Variants in TRIM33 observed in about 807,000 individuals in gnomAD.
TRIM33 encodes the protein E3 ubiquitin-protein ligase TRIM33.
A neutral mutation model predicts 125.4 loss-of-function variants in TRIM33; 20 were observed. The ratio of observed to expected loss-of-function variants is 0.16; its 90% CI spans 0.11 to 0.23. TRIM33 has a LOEUF of 0.23. TRIM33 is among the 10% of genes least tolerant of loss of function. The pLI is 1.00. For synonymous variants in TRIM33, 564 were observed against 513.9 expected, an observed-to-expected ratio of 1.10 and a Z score of -1.32; for missense variants, 920 against 1,411.4, an observed-to-expected ratio of 0.65 and a Z score of 5.58.
At chr1:114,486,326 G>A (rs1651682361) in intron 1 of TRIM33, among the ~76,000 whole-genome samples, 1 of 150,504 alleles carries the variant, frequency 6.6e-6, no homozygotes, top group South Asian at 2.1e-4. Flanking sequence ...GAAAAGAAAT[G>A]AAAGTTATAG....
intron 17 of TRIM33, 135 bp from the exon 18 acceptor site, chr1:114,399,744 G>A (rs956686584): frequency 3.0e-5 from 20 of 670,104 alleles, no homozygotes; most frequent in South Asian, 6.3e-5. Flanking sequence ...GAGTATAGAC[G>A]TATGTACTTT....
intron 1 of TRIM33, among the ~76,000 whole-genome samples, chr1:114,509,904 T>G (rs142556527): frequency 9.2e-5 from 14 of 152,340 alleles, no homozygotes; most frequent in African/African-American, 3.4e-4. Context: ...CAGCTTTCCC[T>G]AACTCTCAAT....
At position 114,510,752 on chromosome 1, in the gene TRIM33, G is replaced by A. The variant is rs1167317131; in HGVS notation, c.325C>T (p.Pro109Ser). 1.3e-6 allele frequency: 2 copies of A among 1,522,686 alleles called. No individual in the cohort carries two copies. Among genetic ancestry groups the A allele is most frequent in the African/African-American group, 1.4e-5 (1 of 71,864 alleles). The allele number at this position is 1,522,686 out of a possible 1,614,324, so 94.3% of individuals were successfully genotyped here. A position where few individuals can be genotyped will look rare whatever the true frequency, so the allele number is the denominator to read the frequency against. The change falls in exon 1 of 20, where the codon CCC (proline) becomes TCC (serine). Residue 109 changes from proline to serine, a missense_variant. Pro to Ser is a moderately conservative substitution (Grantham distance 74). Coordinates refer to ENST00000358465, the MANE Select transcript of TRIM33 (RefSeq NM_015906.4). ...PAPASAPAPG[P>S]SAGPPPGPPA... ...GGTCCAGGAGGCGGCCCTGCCGAGG[G>A]ACCCGGAGCGGGAGCCGAGGCTGGA...
chr1:114,450,221 C>T (rs1251646466), intron 4 of TRIM33, among the ~76,000 whole-genome samples: 4 of 152,164 alleles, frequency 2.6e-5, no homozygotes, highest in Admixed American at 6.5e-5. Context: ...ACCGCACCAT[C>T]GCACTCCAGC....
At chr1:114,442,260 G>A (rs1648697746) in intron 4 of TRIM33, among the ~76,000 whole-genome samples, 1 of 152,150 alleles carries the variant, frequency 6.6e-6, no homozygotes, top group Non-Finnish European at 1.5e-5. Flanking sequence ...AAAAAATTAT[G>A]CTTGGATAGG....
At chr1:114,465,595 G>C (rs888213159) in intron 1 of TRIM33, among the ~76,000 whole-genome samples, 7 of 151,998 alleles carry the variant, frequency 4.6e-5, no homozygotes, top group African/African-American at 1.7e-4. Context: ...GAGCCCAGGA[G>C]TTTGAGGCCA....
chr1:114,412,183 A>AAT (rs1652635047), intron 11 of TRIM33, among the ~76,000 whole-genome samples: 1 of 152,210 alleles, frequency 6.6e-6, no homozygotes, highest in Non-Finnish European at 1.5e-5. Context: ...GGCATTTTCA[A>AAT]ATATATAAGC....
At position 114,501,080 on chromosome 1, in the gene TRIM33, CTTGGGAGGCTG is replaced by C. The variant is rs942538823; in HGVS notation, c.526+9460_526+9470del. On this transcript the variant is annotated intron_variant, in intron 1 of 19. Coordinates refer to ENST00000358465, the MANE Select transcript of TRIM33 (RefSeq NM_015906.4). Reference sequence around the variant, plus strand: ...TGGCGGGCGCCTGTAGTCCCAGCTACTTGGGAGGCTGAGGCAGGAGAATGGCGTGAACCCGG... The same window carrying C: ...TGGCGGGCGCCTGTAGTCCCAGCTACAGGCAGGAGAATGGCGTGAACCCGG... 7.2e-5 allele frequency among the ~76,000 whole-genome samples: 8 copies of C among 110,860 alleles called. 3 individuals are homozygous for C. The South Asian group carries it at 2.4e-3, about 33-fold the overall frequency. 72.7% of individuals were successfully genotyped at this position (110,860 alleles called of 152,430 possible). A position where few individuals can be genotyped will look rare whatever the true frequency, so the allele number is the denominator to read the frequency against.
chr1:114,397,526 A>G lies in TRIM33; in HGVS notation c.*122T>C. ...CTGTGTAAAAGCTATCAGCTTCTTC[A>G]AGGAGGTGCCCACTGTAGGCAGGAT... is the stretch of plus-strand genomic sequence containing the variant. On this transcript the variant is annotated 3_prime_UTR_variant, in exon 20 of 20. Transcript: ENST00000358465. The G allele has an allele frequency of 1.5e-6, 1 of 678,410 alleles. No individual in the cohort carries two copies. 42.0% of individuals were successfully genotyped at this position (678,410 alleles called of 1,614,324 possible).
At chr1:114,509,762 A>G (rs1653226976) in intron 1 of TRIM33, among the ~76,000 whole-genome samples, 1 of 152,116 alleles carries the variant, frequency 6.6e-6, no homozygotes, top group Non-Finnish European at 1.5e-5. Flanking sequence ...ACTCACCTCC[A>G]CTGCTGCAAG....
intron 4 of TRIM33, among the ~76,000 whole-genome samples, chr1:114,445,391 C>A (rs367594496): frequency 6.6e-6 from 1 of 152,130 alleles, no homozygotes; most frequent in African/African-American, 2.4e-5. Flanking sequence ...GCAAGCACTG[C>A]CATGCCTGGC....
At chr1:114,503,062 T>A (rs1358684878) in intron 1 of TRIM33, among the ~76,000 whole-genome samples, 1 of 152,246 alleles carries the variant, frequency 6.6e-6, no homozygotes. Context: ...CCTTTTCAGA[T>A]CATTGTGTGG....
chr1:114,497,998 C>A (rs1480386671), intron 1 of TRIM33, among the ~76,000 whole-genome samples: 1 of 151,498 alleles, frequency 6.6e-6, no homozygotes, highest in South Asian at 2.1e-4. Flanking sequence ...CACAGTGGTA[C>A]ACGTCTATAA....
intron 1 of TRIM33, among the ~76,000 whole-genome samples, chr1:114,474,603 G>C (rs1433401769): frequency 1.5e-5 from 2 of 131,354 alleles, no homozygotes; most frequent in Non-Finnish European, 3.2e-5. Flanking sequence ...AAAAAAAAAG[G>C]CCAGGGGCAG....
chr1:114,420,453 T>G (rs1375275564), intron 11 of TRIM33: 1 of 1,331,756 alleles, frequency 7.5e-7, no homozygotes, highest in South Asian at 1.2e-5. Context: ...AACGTTTGCC[T>G]GTGGCAGGTG....
chr1:114,416,468 G>C (rs1652951352), intron 11 of TRIM33, among the ~76,000 whole-genome samples: 1 of 151,994 alleles, frequency 6.6e-6, no homozygotes, highest in Non-Finnish European at 1.5e-5. Flanking sequence ...ATCTGACTTA[G>C]TATAATCAAA....
intron 1 of TRIM33, among the ~76,000 whole-genome samples, chr1:114,492,051 A>G (rs546578334): frequency 3.3e-5 from 5 of 152,322 alleles, no homozygotes. Context: ...TATTTATGCT[A>G]TGAGTGCTGA....
At chr1:114,458,964 A>G (rs188548696) in intron 4 of TRIM33, among the ~76,000 whole-genome samples, 26 of 152,324 alleles carry the variant, frequency 1.7e-4, no homozygotes, top group Admixed American at 9.1e-4. Flanking sequence ...GTCCAATGAC[A>G]TGGTTTCTGC....
At chr1:114,508,204 G>C (rs1208085426) in intron 1 of TRIM33, among the ~76,000 whole-genome samples, 1 of 152,096 alleles carries the variant, frequency 6.6e-6, no homozygotes, top group Non-Finnish European at 1.5e-5. Flanking sequence ...ACTTAAGATT[G>C]ACAGCATTTG....
Sources: gnomAD v4.1 joint callset for allele counts (sites outside exome capture counted in the v4.1 genomes callset) on GRCh38, gnomAD v4.1.1 for gene constraint, MANE v1.5 for transcripts, NCBI Gene and HGNC (gene_info 2026-07-23, HGNC 2026-07-21) for gene names.